Variants in VWC2L observed in about 807,000 individuals in gnomAD.
VWC2L encodes the protein von Willebrand factor C domain containing 2 like.
A neutral mutation model predicts 21.6 loss-of-function variants in VWC2L; 10 were observed. That is an observed-to-expected ratio of 0.46 (90% CI 0.29 to 0.78). The LOEUF is 0.78. Ranked by LOEUF, VWC2L falls within the 30% of genes least tolerant of loss-of-function variation. The pLI, the probability that VWC2L is intolerant of heterozygous loss-of-function variation, is 0.10. For synonymous variants in VWC2L, 96 were observed against 94.3 expected (o/e 1.02, Z -0.10); for missense variants, 209 against 277.1 (o/e 0.75, Z 1.74).
chr2:214,501,539 T>C (rs901903771), intron 3 of VWC2L, among the ~76,000 whole-genome samples: 4 of 151,958 alleles, frequency 2.6e-5, no homozygotes, highest in African/African-American at 9.7e-5. Context: ...CTGGCCAACA[T>C]GGTGAAACCC....
intron 3 of VWC2L, among the ~76,000 whole-genome samples, chr2:214,513,302 C>G (rs1689086559): frequency 6.6e-6 from 1 of 152,012 alleles, no homozygotes; most frequent in African/African-American, 2.4e-5. Flanking sequence ...ATCAATTGGC[C>G]CTCCCAATCA....
chr2:214,444,533 G>A (rs990545644), intron 3 of VWC2L, among the ~76,000 whole-genome samples: 2 of 151,954 alleles, frequency 1.3e-5, no homozygotes, highest in African/African-American at 2.4e-5. Context: ...AATTTTCTAT[G>A]GGATGTAACT....
At chr2:214,500,336 T>C (rs1031966201) in intron 3 of VWC2L, among the ~76,000 whole-genome samples, 39 of 152,234 alleles carry the variant, frequency 2.6e-4, no homozygotes, top group Admixed American at 2.4e-3. Flanking sequence ...CTCATGTAGA[T>C]TAAAGTCAGG....
chr2:214,488,017 T>C (rs991003136), intron 3 of VWC2L, among the ~76,000 whole-genome samples: 1 of 152,206 alleles, frequency 6.6e-6, no homozygotes, highest in Non-Finnish European at 1.5e-5. Flanking sequence ...AAAATAAGTA[T>C]ATGTTACTCC....
intron 3 of VWC2L, among the ~76,000 whole-genome samples, chr2:214,548,547 T>C (rs1689745167): frequency 1.3e-5 from 2 of 152,214 alleles, no homozygotes; most frequent in African/African-American, 4.8e-5. Flanking sequence ...GGTACCATTC[T>C]GAGAGCATGG....
intron 3 of VWC2L, among the ~76,000 whole-genome samples, chr2:214,498,727 T>C (rs1688846941): frequency 6.8e-6 from 1 of 147,940 alleles, no homozygotes; most frequent in Non-Finnish European, 1.5e-5. Flanking sequence ...GTATATATTA[T>C]ACATATACAT....
chr2:214,516,995 C>G (rs1430484101), intron 3 of VWC2L, among the ~76,000 whole-genome samples: 1 of 152,238 alleles, frequency 6.6e-6, no homozygotes, highest in Non-Finnish European at 1.5e-5. Flanking sequence ...TTCACTCTCA[C>G]TCTCATTCTC....
intron 3 of VWC2L, among the ~76,000 whole-genome samples, chr2:214,447,634 CT>C (rs1702858372): frequency 6.6e-6 from 1 of 152,130 alleles, no homozygotes; most frequent in African/African-American, 2.4e-5. Flanking sequence ...GTGGTGTGTT[CT>C]TCATCCTTAA....
chr2:214,512,265 C>T (rs1689067982), intron 3 of VWC2L, among the ~76,000 whole-genome samples: 1 of 152,134 alleles, frequency 6.6e-6, no homozygotes. Flanking sequence ...GATACCTATG[C>T]TATCATGAGG....
intron 3 of VWC2L, among the ~76,000 whole-genome samples, chr2:214,485,812 G>T (rs1490857203): frequency 6.6e-6 from 1 of 152,136 alleles, no homozygotes; most frequent in East Asian, 1.9e-4. Context: ...TCTCTCTCTA[G>T]TGCCTAGCTG....
intron 3 of VWC2L, among the ~76,000 whole-genome samples, chr2:214,462,148 G>T (rs961697211): frequency 1.3e-5 from 2 of 152,190 alleles, no homozygotes; most frequent in Admixed American, 6.5e-5. Flanking sequence ...CACTGCAGCT[G>T]CTTGGGTTTT....
intron 3 of VWC2L, among the ~76,000 whole-genome samples, chr2:214,562,932 T>C (rs1436719780): frequency 6.6e-6 from 1 of 152,210 alleles, no homozygotes; most frequent in Admixed American, 6.5e-5. Context: ...CTGATGATAG[T>C]TTTGCTGTAC....
intron 3 of VWC2L, among the ~76,000 whole-genome samples, chr2:214,521,216 C>T (rs998067810): frequency 1.3e-5 from 2 of 149,822 alleles, no homozygotes; most frequent in Non-Finnish European, 2.9e-5. Context: ...CAGAGGGAGA[C>T]TCTGACTCCA....
chr2:214,567,813 T>C (rs1690091964), intron 3 of VWC2L, among the ~76,000 whole-genome samples: 1 of 152,216 alleles, frequency 6.6e-6, no homozygotes, highest in Non-Finnish European at 1.5e-5. Flanking sequence ...TTGACATTTC[T>C]ATGTTTTATT....
intron 3 of VWC2L, among the ~76,000 whole-genome samples, chr2:214,517,843 G>T (rs1224129389): frequency 6.6e-6 from 1 of 152,194 alleles, no homozygotes; most frequent in African/African-American, 2.4e-5. Flanking sequence ...GAACTCATGA[G>T]AAAGCAAATA....
chr2:214,434,017 T>C (rs1318946466), intron 2 of VWC2L, among the ~76,000 whole-genome samples: 1 of 152,138 alleles, frequency 6.6e-6, no homozygotes, highest in African/African-American at 2.4e-5. Flanking sequence ...ATCACATGCA[T>C]ATGATAAGAG....
chr2:214,515,554 A>T (rs898973022), intron 3 of VWC2L, among the ~76,000 whole-genome samples: 135 of 152,056 alleles, frequency 8.9e-4, no homozygotes, highest in African/African-American at 3.1e-3. Context: ...TATTTATTTT[A>T]TTTATTTATT....
chr2:214,520,405 T>C (rs1574613057), intron 3 of VWC2L, among the ~76,000 whole-genome samples: 1 of 152,168 alleles, frequency 6.6e-6, no homozygotes, highest in African/African-American at 2.4e-5. Context: ...TATGAAGCAG[T>C]TTCATTATGG....
chr2:214,544,256 A>G (rs1689671268), intron 3 of VWC2L, among the ~76,000 whole-genome samples: 1 of 152,144 alleles, frequency 6.6e-6, no homozygotes, highest in Non-Finnish European at 1.5e-5. Context: ...CTGTACAGGT[A>G]TAGATTAGAG....
Sources: allele counts gnomAD v4.1 joint callset (sites outside exome capture counted in the v4.1 genomes callset), GRCh38; gene constraint gnomAD v4.1.1; transcripts MANE v1.5; gene names NCBI Gene and HGNC (gene_info 2026-07-23, HGNC 2026-07-21).